The following SEPTIN11 variants were observed in gnomAD, a reference collection of about 807,000 sequenced individuals.
The protein encoded by SEPTIN11 is septin 11.
Under a neutral mutation model 51.4 loss-of-function variants are expected in SEPTIN11, and 25 were observed. That is an observed-to-expected ratio of 0.49 (90% confidence interval 0.35 to 0.68). The LOEUF (loss-of-function observed/expected upper bound fraction) is 0.68, where lower values mean the gene tolerates loss of function less well. Ranked by LOEUF, SEPTIN11 falls within the 30% of genes least tolerant of loss-of-function variation. SEPTIN11 has a pLI of 0.00. For missense variants in SEPTIN11, 381 were observed against 520.8 expected, an observed-to-expected ratio of 0.73 and a Z score of 2.61; for synonymous variants, 174 against 184.1, an observed-to-expected ratio of 0.95 and a Z score of 0.44.
intron 1 of SEPTIN11, among the ~76,000 whole-genome samples, chr4:76,965,121 TAGAG>T (rs1455757724): frequency 1.3e-5 from 2 of 152,124 alleles, no homozygotes; most frequent in Non-Finnish European, 2.9e-5. Context: ...ATACTCTTGT[TAGAG>T]AGAAATGTTT....
At chr4:76,963,949 T>C (rs1370500219) in intron 1 of SEPTIN11, among the ~76,000 whole-genome samples, 1 of 152,070 alleles carries the variant, frequency 6.6e-6, no homozygotes, top group African/African-American at 2.4e-5. Flanking sequence ...GCTATCCCTC[T>C]CCCCTCCCCC....
chr4:77,015,856 T>G (rs1725182867), intron 5 of SEPTIN11, among the ~76,000 whole-genome samples: 2 of 152,168 alleles, frequency 1.3e-5, no homozygotes, highest in Non-Finnish European at 2.9e-5. Flanking sequence ...ATGGCTAGAC[T>G]TGTGCAAAAG....
chr4:77,029,663 TTTC>T (rs1726453704), intron 8 of SEPTIN11, among the ~76,000 whole-genome samples: 1 of 152,030 alleles, frequency 6.6e-6, no homozygotes, highest in Non-Finnish European at 1.5e-5. Context: ...TTTCATTTTC[TTTC>T]TTCTTCCTTT....
chr4:77,037,620 G>C lies in SEPTIN11; in HGVS notation c.*3108G>C. 1 of 985,434 alleles carries C rather than the reference G, an allele frequency of 1.0e-6. No homozygotes were observed. Among genetic ancestry groups the C allele is most frequent in the Non-Finnish European group, 1.2e-6 (1 of 829,918 alleles). 61.0% of individuals were successfully genotyped at this position (985,434 alleles called of 1,614,324 possible). A position where few individuals can be genotyped will look rare whatever the true frequency, so the allele number is the denominator to read the frequency against. On this transcript the variant is annotated 3_prime_UTR_variant, in exon 10 of 10. Transcript: ENST00000264893. ...CCACCTCTTTTTTGGGGATTGAGGGGCCTACATAACTAGCTGGCCTTACCC... is the reference window on the plus strand; with the variant it reads ...CCACCTCTTTTTTGGGGATTGAGGGCCCTACATAACTAGCTGGCCTTACCC...
chr4:76,968,356 C>T (rs1294624156), intron 1 of SEPTIN11, among the ~76,000 whole-genome samples: 1 of 152,096 alleles, frequency 6.6e-6, no homozygotes, highest in Non-Finnish European at 1.5e-5. Context: ...TTATTGAGGC[C>T]TAAGGACTTA....
At chr4:76,989,533 A>G (rs1353430184) in intron 1 of SEPTIN11, among the ~76,000 whole-genome samples, 3 of 152,222 alleles carry the variant, frequency 2.0e-5, no homozygotes, top group Non-Finnish European at 4.4e-5. Context: ...AAGAAAAGGG[A>G]TATCACTTCA....
intron 1 of SEPTIN11, among the ~76,000 whole-genome samples, chr4:76,950,141 C>T (rs1407100319): frequency 1.3e-5 from 2 of 152,188 alleles, no homozygotes; most frequent in Non-Finnish European, 2.9e-5. Context: ...TGGATCGCCT[C>T]GTCGCGCCCC....
chr4:77,022,479 G>T (rs1725785705), intron 7 of SEPTIN11, among the ~76,000 whole-genome samples: 1 of 152,140 alleles, frequency 6.6e-6, no homozygotes, highest in Non-Finnish European at 1.5e-5. Flanking sequence ...GGTTCTGCAG[G>T]CCAAACGGTC....
At chr4:77,039,460 C>G (rs1007225781), downstream of SEPTIN11, 4 of 1,000,810 alleles carry the variant, frequency 4.0e-6, no homozygotes, top group East Asian at 4.2e-4. Flanking sequence ...CAGCGTGTAC[C>G]CTAACCTGAG....
At position 77,029,767 on chromosome 4, in the gene SEPTIN11, T is replaced by TATACACAC. The variant is rs1402215569; in HGVS notation, c.1086+1007_1086+1008insTACACACA. 5.1e-3 allele frequency among the ~76,000 whole-genome samples: 771 copies of TATACACAC among 151,006 alleles called. 7 individuals carry two copies. The highest frequency in any genetic ancestry group is 0.017 in the African/African-American group (718 of 41,086). On this transcript the variant is annotated intron_variant, in intron 8 of 9. Coordinates refer to ENST00000264893, the MANE Select transcript of SEPTIN11 (RefSeq NM_018243.4). ...AATACATAATGCATATATATATATA[T>TATACACAC]ACACACACACACACATATATATACA...
intron 3 of SEPTIN11, among the ~76,000 whole-genome samples, chr4:77,006,531 GA>G (rs1724486685): frequency 6.6e-6 from 1 of 152,118 alleles, no homozygotes; most frequent in African/African-American, 2.4e-5. Flanking sequence ...ATTCTCAAAA[GA>G]AGTTTGAGAA....
chr4:77,022,459 A>G (rs1237260695), intron 7 of SEPTIN11, among the ~76,000 whole-genome samples: 17 of 152,264 alleles, frequency 1.1e-4, no homozygotes, highest in African/African-American at 4.1e-4. Context: ...GTTAGACAGT[A>G]AATATTTTAG....
At chr4:77,013,694 C>T (rs6850455) in intron 4 of SEPTIN11, among the ~76,000 whole-genome samples, 5 of 152,172 alleles carry the variant, frequency 3.3e-5, no homozygotes, top group African/African-American at 1.2e-4. Flanking sequence ...AAGAATAGGT[C>T]TTTCTCTCAG....
chr4:76,982,863 G>A (rs1197733983), intron 1 of SEPTIN11, among the ~76,000 whole-genome samples: 2 of 152,260 alleles, frequency 1.3e-5, no homozygotes, highest in East Asian at 3.9e-4. Flanking sequence ...TTGGTAGCCT[G>A]AGAGGGATCT....
At chr4:77,002,529 A>G (rs1724187027) in intron 2 of SEPTIN11, among the ~76,000 whole-genome samples, 1 of 152,192 alleles carries the variant, frequency 6.6e-6, no homozygotes, top group Admixed American at 6.5e-5. Flanking sequence ...AAATAGGTAA[A>G]TCCTGAAAAG....
Position 76,959,590 on chromosome 4 carries a change from G to C in SEPTIN11, c.27+9660G>C, listed in dbSNP as rs557274565. On this transcript the variant is annotated intron_variant, in intron 1 of 9. Transcript: ENST00000264893. ...AATGGGTTTAATTTACCCATTTCAAGTCAATTGCATTTTTATATTCTAGGA... is the reference window on the plus strand; with the variant it reads ...AATGGGTTTAATTTACCCATTTCAACTCAATTGCATTTTTATATTCTAGGA... Among the ~76,000 whole-genome samples, 287 of 152,128 alleles carry C rather than the reference G, an allele frequency of 1.9e-3. 3 individuals are homozygous for C. Among genetic ancestry groups the C allele is most frequent in the African/African-American group, 6.4e-3 (266 of 41,480 alleles).
In SEPTIN11 at chr4:77,028,618, A is replaced by T. The variant is rs181228744; in HGVS notation, c.954-11A>T. 6.3e-7 allele frequency: 1 copy of T among 1,582,164 alleles called. No homozygotes were observed. The highest frequency in any genetic ancestry group is 2.3e-5 in the East Asian group (1 of 43,902). Reference sequence around the variant, plus strand: ...TCATGATGCTGTCCTTCGTTTGTGGATTTTCAATAGTCTTCAGGAGACATA... The same window carrying T: ...TCATGATGCTGTCCTTCGTTTGTGGTTTTTCAATAGTCTTCAGGAGACATA... On this transcript the variant is annotated splice_polypyrimidine_tract_variant and intron_variant, in intron 7 of 9. Transcript: ENST00000264893.
chr4:76,972,656 G>A (rs1722299604), intron 1 of SEPTIN11: 2 of 152,274 alleles, frequency 1.3e-5, no homozygotes, highest in African/African-American at 2.4e-5. Context: ...AACAAGCAAG[G>A]GAGCCCTTAA....
chr4:76,976,685 T>A (rs566936671), intron 1 of SEPTIN11, among the ~76,000 whole-genome samples: 1 of 152,376 alleles, frequency 6.6e-6, no homozygotes, highest in East Asian at 1.9e-4. Context: ...ACTTTTGTTT[T>A]GATGACCCAA....
Sources: gnomAD v4.1 joint callset for allele counts (sites outside exome capture counted in the v4.1 genomes callset) on GRCh38, gnomAD v4.1.1 for gene constraint, MANE v1.5 for transcripts, NCBI Gene and HGNC (gene_info 2026-07-23, HGNC 2026-07-21) for gene names.